The following MYRFL variants were observed in gnomAD, a reference collection of about 807,000 sequenced individuals.
MYRFL encodes myelin regulatory factor like.
MYRFL carries 88 observed loss-of-function variants against 109.4 expected under a neutral mutation model. The ratio of observed to expected loss-of-function variants is 0.80; its 90% CI spans 0.68 to 0.96. The LOEUF is 0.96. Among genes scored for constraint, MYRFL ranks in the 40% least tolerant of loss-of-function variants. MYRFL has a pLI of 0.00. For synonymous variants in MYRFL, 324 were observed against 320.9 expected (o/e 1.01, Z -0.10); for missense variants, 957 against 954.9 (o/e 1.00, Z -0.03).
chr12:69,918,005 G>A (rs1433157241), intron 13 of MYRFL, among the ~76,000 whole-genome samples: 1 of 152,130 alleles, frequency 6.6e-6, no homozygotes, highest in African/African-American at 2.4e-5. Flanking sequence ...GTTAATTAAG[G>A]AGGGAAAGGT....
chr12:69,853,437 G>A (rs1884032498), intron 1 of MYRFL, among the ~76,000 whole-genome samples: 2 of 151,078 alleles, frequency 1.3e-5, no homozygotes, highest in South Asian at 4.2e-4. Flanking sequence ...CTCCCAGACG[G>A]GGTGGTGGTC....
intron 7 of MYRFL, among the ~76,000 whole-genome samples, chr12:69,892,982 T>C (rs1429142604): frequency 6.6e-6 from 1 of 152,244 alleles, no homozygotes; most frequent in Non-Finnish European, 1.5e-5. Context: ...TTCCATTGTA[T>C]GGATGCATCA....
intron 13 of MYRFL, among the ~76,000 whole-genome samples, chr12:69,921,895 A>C (rs1566026784): frequency 6.6e-6 from 1 of 151,796 alleles, no homozygotes; most frequent in Non-Finnish European, 1.5e-5. Context: ...CACTGCAGAA[A>C]GAACTTTCTG....
rs73339439 is a variant in MYRFL at position 69,915,993 on chromosome 12, A to C, written c.1602+5063A>C. Among the ~76,000 whole-genome samples, 677 of 152,202 alleles carry C rather than the reference A, an allele frequency of 4.4e-3. 4 individuals are homozygous for C. Among genetic ancestry groups the C allele is most frequent in the African/African-American group, 0.016 (652 of 41,534 alleles). ...TTTAAAGGTGAGGTGTGTCTTGTGA[A>C]TAATTATTCCTTGGACAATTCTTGT... On this transcript the variant is annotated intron_variant, in intron 13 of 24. Coordinates refer to ENST00000552032, the MANE Select transcript of MYRFL (RefSeq NM_182530.3).
chr12:69,948,424 A>G (rs2120534976), intron 19 of MYRFL, among the ~76,000 whole-genome samples: 1 of 152,322 alleles, frequency 6.6e-6, no homozygotes. Context: ...GTTCTGTGGA[A>G]GAAGACAAAT....
At chr12:69,861,457 G>A (rs1386600656) in intron 2 of MYRFL, among the ~76,000 whole-genome samples, 4 of 152,116 alleles carry the variant, frequency 2.6e-5, no homozygotes, top group Admixed American at 6.5e-5. Context: ...GTGTGAGATG[G>A]TATCTCATTG....
intron 2 of MYRFL, among the ~76,000 whole-genome samples, chr12:69,858,290 A>G (rs1447245965): frequency 1.3e-5 from 2 of 152,058 alleles, no homozygotes; most frequent in Non-Finnish European, 1.5e-5. Context: ...TATGTTTATG[A>G]GAATATTGAT....
chr12:69,910,191 T>C (rs1025142426), intron 12 of MYRFL, 114 bp downstream of exon 12: 1 of 712,726 alleles, frequency 1.4e-6, no homozygotes. Context: ...TTGATCTAAC[T>C]TGTTCTCTGT....
At chr12:69,868,331 TCTCAAACTC>T (rs1187792894) in intron 2 of MYRFL, among the ~76,000 whole-genome samples, 2 of 152,080 alleles carry the variant, frequency 1.3e-5, no homozygotes, top group African/African-American at 4.8e-5. Context: ...GCCAGGCTGG[TCTCAAACTC>T]CTGACCTTGT....
At chr12:69,929,883 A>G (rs1472106215) in intron 15 of MYRFL, among the ~76,000 whole-genome samples, 1 of 152,240 alleles carries the variant, frequency 6.6e-6, no homozygotes, top group Admixed American at 6.5e-5. Context: ...TGTGAGGATT[A>G]AATAAATTGA....
chr12:69,923,255 T>C (rs1254403741), intron 13 of MYRFL, among the ~76,000 whole-genome samples: 1 of 152,162 alleles, frequency 6.6e-6, no homozygotes, highest in African/African-American at 2.4e-5. Flanking sequence ...TGAAAGATGT[T>C]CCAGGTTCAC....
At chr12:69,899,147 A>G (rs968354791) in intron 10 of MYRFL, among the ~76,000 whole-genome samples, 4 of 152,194 alleles carry the variant, frequency 2.6e-5, no homozygotes, top group African/African-American at 9.6e-5. Flanking sequence ...CCTATTCTAC[A>G]AGTGTGCTGT....
At chr12:69,956,857 A>T (rs1956109006) in intron 22 of MYRFL, among the ~76,000 whole-genome samples, 1 of 152,156 alleles carries the variant, frequency 6.6e-6, no homozygotes, top group African/African-American at 2.4e-5. Flanking sequence ...TATAAACTGA[A>T]AGTGCTATTA....
At chr12:69,903,900 G>T in intron 11 of MYRFL, 56 bp downstream of exon 11, 1 of 1,447,956 alleles carries the variant, frequency 6.9e-7, no homozygotes, top group South Asian at 1.4e-5. Flanking sequence ...CAGGTTTGCT[G>T]GGTGCTCCTG....
intron 2 of MYRFL, 107 bp from the exon 3 acceptor site, chr12:69,878,921 G>A: frequency 1.5e-6 from 1 of 686,214 alleles, no homozygotes; most frequent in South Asian, 1.6e-5. Flanking sequence ...CCCAGCACCT[G>A]GAACCATCAC....
At chr12:69,932,737 C>A in intron 16 of MYRFL, 139 bp downstream of exon 16, 1 of 620,244 alleles carries the variant, frequency 1.6e-6, no homozygotes, top group Non-Finnish European at 2.8e-6. Context: ...ACTCTGATAG[C>A]ATAGAAATGA....
At chr12:69,857,192 T>C (rs898036178) in intron 2 of MYRFL, among the ~76,000 whole-genome samples, 10 of 151,938 alleles carry the variant, frequency 6.6e-5, no homozygotes, top group Admixed American at 5.9e-4. Context: ...TGTGGGTCTA[T>C]TTCTAGACTC....
chr12:69,938,841 G>A (rs1430621369), intron 19 of MYRFL, among the ~76,000 whole-genome samples: 10 of 152,252 alleles, frequency 6.6e-5, no homozygotes, highest in East Asian at 1.9e-4. Flanking sequence ...TGCGCGCACC[G>A]TGCGCGAGCC....
intron 5 of MYRFL, among the ~76,000 whole-genome samples, chr12:69,881,843 T>A (rs1886136522): frequency 6.6e-6 from 1 of 152,228 alleles, no homozygotes; most frequent in African/African-American, 2.4e-5. Flanking sequence ...TATGCAATGC[T>A]ACCCTAATTT....
Sources: gnomAD v4.1 joint callset for allele counts (sites outside exome capture counted in the v4.1 genomes callset) on GRCh38, gnomAD v4.1.1 for gene constraint, MANE v1.5 for transcripts, NCBI Gene and HGNC (gene_info 2026-07-23, HGNC 2026-07-21) for gene names.